The following CEP126 variants were observed in gnomAD, a reference collection of about 807,000 sequenced individuals.
CEP126 encodes the protein centrosomal protein 126, also known as centrosomal protein of 126 kDa.
CEP126 carries 74 observed loss-of-function variants against 107.8 expected under a neutral mutation model. That is an observed-to-expected ratio of 0.69 (90% confidence interval 0.57 to 0.83). The LOEUF (loss-of-function observed/expected upper bound fraction) is 0.83. Ranked by LOEUF, CEP126 falls within the 40% of genes least tolerant of loss-of-function variation. The pLI is 0.00. For missense variants in CEP126, 1,237 were observed against 1,281.9 expected (o/e 0.96, Z 0.53); for synonymous variants, 449 against 446.0 (o/e 1.01, Z -0.08).
chr11:101,944,471 G>C, intron 3 of CEP126, 61 bp downstream of exon 3: 1 of 1,455,726 alleles, frequency 6.9e-7, no homozygotes, highest in Non-Finnish European at 9.2e-7. Flanking sequence ...GACTTGAGTA[G>C]ACAATAAAAT....
chr11:101,963,257 A>G lies in CEP126; in HGVS notation c.2222A>G (p.Asp741Gly), dbSNP rs1157841848. The G allele has an allele frequency of 6.2e-7, 1 of 1,613,960 alleles. No homozygotes were observed. The highest frequency in any genetic ancestry group is 1.3e-5 in the African/African-American group (1 of 74,932). The change falls in exon 6 of 11, where the codon GAT becomes GGT. Residue 741 changes from aspartate to glycine, a missense_variant. Asp to Gly is a moderately conservative substitution (Grantham distance 94). Around this residue, in one of 3 missense-constraint regions of CEP126, gnomAD observed 1,134 missense variants for 1,150.5 expected, o/e 0.99. Transcript: ENST00000263468. ...KEESKIPVHD[D>G]SKTKQGKPQR... ...GAAAGTAAAATCCCTGTACATGATG[A>G]TTCTAAAACTAAGCAAGGTAAGCCA...
chr11:101,916,844 A>G (rs1478989109), intron 1 of CEP126, among the ~76,000 whole-genome samples: 1 of 152,220 alleles, frequency 6.6e-6, no homozygotes, highest in Admixed American at 6.5e-5. Context: ...ATTCATAAAT[A>G]GAATCCAGCA....
intron 3 of CEP126, among the ~76,000 whole-genome samples, chr11:101,946,300 G>T (rs1388090030): frequency 6.6e-6 from 1 of 151,724 alleles, no homozygotes; most frequent in African/African-American, 2.4e-5. Flanking sequence ...AAGAGCTGAC[G>T]AGTTCAAGAC....
chr11:101,980,432 T>C (rs979683122), intron 7 of CEP126, among the ~76,000 whole-genome samples: 1 of 152,206 alleles, frequency 6.6e-6, no homozygotes, highest in African/African-American at 2.4e-5. Context: ...ATTTTTATTT[T>C]ACTAGGTCTT....
intron 2 of CEP126, among the ~76,000 whole-genome samples, chr11:101,932,388 A>C (rs1323443910): frequency 6.6e-6 from 1 of 152,132 alleles, no homozygotes; most frequent in Non-Finnish European, 1.5e-5. Flanking sequence ...TACTGTATGA[A>C]ATTATTATTA....
intron 8 of CEP126, among the ~76,000 whole-genome samples, chr11:101,983,043 A>AT (rs1376471263): frequency 6.6e-6 from 1 of 152,192 alleles, no homozygotes; most frequent in Non-Finnish European, 1.5e-5. Flanking sequence ...ACATGTACCA[A>AT]TGGCAGATTC....
intron 2 of CEP126, among the ~76,000 whole-genome samples, chr11:101,926,682 A>T (rs775891599): frequency 2.6e-5 from 4 of 152,240 alleles, no homozygotes; most frequent in South Asian, 2.1e-4. Context: ...TCAAGGATTA[A>T]TTATAGATGA....
Position 101,997,805 on chromosome 11 carries a change from A to G in CEP126, c.*162A>G. On this transcript the variant is annotated 3_prime_UTR_variant, in exon 11 of 11. Transcript: ENST00000263468. Reference sequence around the variant, plus strand: ...AGCAGTGAAGTTTAACAGAGCAGTGACATTTAACAAAGCAGTGAAGTTTAA... The same window carrying G: ...AGCAGTGAAGTTTAACAGAGCAGTGGCATTTAACAAAGCAGTGAAGTTTAA... The G allele has an allele frequency of 1.1e-6, 1 of 884,528 alleles. No homozygotes were observed. Among genetic ancestry groups the G allele is most frequent in the South Asian group, 1.7e-5 (1 of 59,660 alleles). 54.8% of individuals were successfully genotyped at this position (884,528 alleles called of 1,614,324 possible). A position where few individuals can be genotyped will look rare whatever the true frequency, so the allele number is the denominator to read the frequency against.
intron 2 of CEP126, among the ~76,000 whole-genome samples, chr11:101,934,920 G>C (rs949001634): frequency 6.6e-6 from 1 of 152,028 alleles, no homozygotes. Flanking sequence ...TAAACTAAAA[G>C]TAGAATTGGT....
At chr11:101,945,119 A>G (rs2137096810) in intron 3 of CEP126, among the ~76,000 whole-genome samples, 1 of 152,346 alleles carries the variant, frequency 6.6e-6, no homozygotes, top group East Asian at 1.9e-4. Flanking sequence ...TGTCAATAAC[A>G]TAATGATAAT....
chr11:101,986,948 T>C lies in CEP126; in HGVS notation c.3151T>C (p.Leu1051=). The change falls in exon 9 of 11, where the codon TTA becomes CTA. Residue 1051 remains leucine, a synonymous_variant. Coordinates refer to ENST00000263468, the MANE Select transcript of CEP126 (RefSeq NM_020802.4). ...SKQIQKSNLP[L]NKTQQFNICT... ...ACAGATACAGAAATCAAATCTACCTTTAAATAAAACTCAACAATTCAACAT... is the reference window on the plus strand; with the variant it reads ...ACAGATACAGAAATCAAATCTACCTCTAAATAAAACTCAACAATTCAACAT... 1.9e-6 allele frequency: 3 copies of C among 1,613,810 alleles called. No individual in the cohort carries two copies. Among genetic ancestry groups the C allele is most frequent in the Non-Finnish European group, 2.5e-6 (3 of 1,179,838 alleles).
intron 2 of CEP126, among the ~76,000 whole-genome samples, chr11:101,941,210 A>G (rs1324106537): frequency 2.0e-5 from 3 of 152,114 alleles, no homozygotes; most frequent in African/African-American, 7.2e-5. Flanking sequence ...AAGTACATTC[A>G]TATTGCTGGG....
intron 4 of CEP126, among the ~76,000 whole-genome samples, chr11:101,949,394 T>C (rs1231633919): frequency 6.6e-6 from 1 of 152,206 alleles, no homozygotes; most frequent in Non-Finnish European, 1.5e-5. Flanking sequence ...AACCTGGGGA[T>C]ATTTCAATAA....
In CEP126 at chr11:101,992,190, C is replaced by A. The variant is rs147602923; in HGVS notation, c.3245-588C>A. ...AAAAGCAGGGAGCTACAATCATGAA[C>A]TAAGGCTATGAGTTTAAGATGTAAA... On this transcript the variant is annotated intron_variant, in intron 9 of 10. Coordinates refer to ENST00000263468, the MANE Select transcript of CEP126 (RefSeq NM_020802.4). 2.0e-3 allele frequency among the ~76,000 whole-genome samples: 298 copies of A among 151,740 alleles called. 6 individuals are homozygous for A. Among genetic ancestry groups the A allele is most frequent in the Admixed American group, 0.018 (279 of 15,258 alleles).
At chr11:101,993,124 A>AT (rs1941404555) in intron 10 of CEP126, among the ~76,000 whole-genome samples, 1 of 152,168 alleles carries the variant, frequency 6.6e-6, no homozygotes, top group Non-Finnish European at 1.5e-5. Flanking sequence ...TGTGTATCGC[A>AT]GGGGTTTGAT....
intron 4 of CEP126, among the ~76,000 whole-genome samples, chr11:101,950,979 C>A (rs1404779816): frequency 1.3e-5 from 2 of 151,978 alleles, no homozygotes; most frequent in African/African-American, 4.8e-5. Context: ...AAATTGGAGG[C>A]AAGGAGACCA....
chr11:101,978,590 T>C, intron 7 of CEP126, 131 bp downstream of exon 7: 1 of 596,612 alleles, frequency 1.7e-6, no homozygotes, highest in Non-Finnish European at 2.9e-6. Context: ...CCAAAGCCAT[T>C]TGTGAAGCAG....
At chr11:101,927,971 T>C (rs926495756) in intron 2 of CEP126, among the ~76,000 whole-genome samples, 4 of 152,198 alleles carry the variant, frequency 2.6e-5, no homozygotes, top group Non-Finnish European at 5.9e-5. Flanking sequence ...GTTTAAAAAC[T>C]GCCAGCCGTT....
At chr11:101,939,134 C>T (rs1316691231) in intron 2 of CEP126, among the ~76,000 whole-genome samples, 1 of 151,968 alleles carries the variant, frequency 6.6e-6, no homozygotes, top group Non-Finnish European at 1.5e-5. Flanking sequence ...TACTTTTTTC[C>T]AGATACTTTT....
Sources: allele counts gnomAD v4.1 joint callset (sites outside exome capture counted in the v4.1 genomes callset), GRCh38; gene constraint gnomAD v4.1.1; regional missense constraint gnomAD v4.1.1; transcripts MANE v1.5; gene names NCBI Gene and HGNC (gene_info 2026-07-23, HGNC 2026-07-21).